Variants in CAMTA1 observed in about 807,000 individuals in gnomAD.
CAMTA1 encodes the protein calmodulin-binding transcription activator 1.
A neutral mutation model predicts 170.9 loss-of-function variants in CAMTA1; 27 were observed. That is an observed-to-expected ratio of 0.16 (90% CI 0.12 to 0.22). CAMTA1 has a LOEUF of 0.22. Among genes scored for constraint, CAMTA1 ranks in the 10% least tolerant of loss-of-function variants. The pLI, the probability that CAMTA1 is intolerant of heterozygous loss-of-function variation, is 1.00. For synonymous variants in CAMTA1, 833 were observed against 891.5 expected (o/e 0.93, Z 1.17); for missense variants, 1,619 against 2,217.2 (o/e 0.73, Z 5.42).
At position 7,748,695 on chromosome 1, in the gene CAMTA1, T is replaced by C. The variant is rs1306745805; in HGVS notation, c.4689+914T>C. On this transcript the variant is annotated intron_variant, in intron 19 of 22. Coordinates refer to ENST00000303635, the MANE Select transcript of CAMTA1 (RefSeq NM_015215.4). This position sits in a 1 kb window ranked among gnomAD's most constrained non-coding sequence, Gnocchi z 4.7. ...CTTTGGCCATTTTCCTTTCAGCTTCTTATCCATTTTAAAATGAAGAATTGT... is the reference window on the plus strand; with the variant it reads ...CTTTGGCCATTTTCCTTTCAGCTTCCTATCCATTTTAAAATGAAGAATTGT... Among the ~76,000 whole-genome samples, 3 of 152,228 alleles carry C rather than the reference T, an allele frequency of 2.0e-5. No homozygotes were observed. Among genetic ancestry groups the C allele is most frequent in the African/African-American group, 7.2e-5 (3 of 41,458 alleles).
At chr1:7,382,205 C>A (rs1472979589) in intron 5 of CAMTA1, among the ~76,000 whole-genome samples, 1 of 152,170 alleles carries the variant, frequency 6.6e-6, no homozygotes, top group Non-Finnish European at 1.5e-5. Context: ...TGTCCACATG[C>A]CCAGCTAAAT....
At position 7,505,583 on chromosome 1, in the gene CAMTA1, G is replaced by C. The variant is rs1433345027; in HGVS notation, c.510+37682G>C. Among the ~76,000 whole-genome samples the C allele has an allele frequency of 5.3e-5, 8 of 152,220 alleles. No homozygotes were observed. In the South Asian group the frequency reaches 8.3e-4, roughly 16 times the overall value. On this transcript the variant is annotated intron_variant, in intron 6 of 22. Coordinates refer to ENST00000303635, the MANE Select transcript of CAMTA1 (RefSeq NM_015215.4). ...CACCCACCCAGGGCTGCAGTTTCAG[G>C]GACCTGGCGGTGCCCCAGGGGCAGG...
chr1:7,096,751 A>G (rs1211211659), intron 4 of CAMTA1, among the ~76,000 whole-genome samples: 1 of 152,052 alleles, frequency 6.6e-6, no homozygotes, highest in African/African-American at 2.4e-5. Flanking sequence ...GAGTATTGAA[A>G]TATCTCCTAC....
chr1:7,119,319 A>G (rs76189463), intron 4 of CAMTA1, among the ~76,000 whole-genome samples: 1,615 of 152,264 alleles, frequency 0.011, 15 homozygotes, highest in Non-Finnish European at 0.016. Context: ...ACCAGTGCAG[A>G]GGGTGTTGGA....
intron 6 of CAMTA1, among the ~76,000 whole-genome samples, chr1:7,498,786 TA>T (rs2093893265): frequency 6.8e-6 from 1 of 148,014 alleles, no homozygotes; most frequent in African/African-American, 2.5e-5. Context: ...CATGTGTATG[TA>T]TGTGTGTGCA....
chr1:7,025,501 G>A (rs771458539), intron 3 of CAMTA1, among the ~76,000 whole-genome samples: 2 of 152,214 alleles, frequency 1.3e-5, no homozygotes, highest in Admixed American at 1.3e-4. Flanking sequence ...TTACTGGGGT[G>A]GGGGAGGTAG....
rs954604319 is a variant in CAMTA1 at position 7,415,315 on chromosome 1, G to T, written c.439-52515G>T. 1.2e-4 allele frequency among the ~76,000 whole-genome samples: 18 copies of T among 151,048 alleles called. No homozygotes were observed. In the East Asian group the frequency reaches 1.4e-3, roughly 11 times the overall value. Reference sequence around the variant, plus strand: ...CTGAGTTCAATTCCTGGGTATCCTTGTTAACTTTCTGTCTCGTTGATCTTT... The same window carrying T: ...CTGAGTTCAATTCCTGGGTATCCTTTTTAACTTTCTGTCTCGTTGATCTTT... On this transcript the variant is annotated intron_variant, in intron 5 of 22. Coordinates refer to ENST00000303635, the MANE Select transcript of CAMTA1 (RefSeq NM_015215.4).
At chr1:7,140,800 T>A (rs1288127955) in intron 4 of CAMTA1, among the ~76,000 whole-genome samples, 1 of 152,186 alleles carries the variant, frequency 6.6e-6, no homozygotes, top group Non-Finnish European at 1.5e-5. Context: ...TACCGGTATG[T>A]TAAACTTTAT....
chr1:7,520,675 G>C (rs1440150458), intron 6 of CAMTA1, among the ~76,000 whole-genome samples: 2 of 152,098 alleles, frequency 1.3e-5, no homozygotes, highest in Non-Finnish European at 2.9e-5. Context: ...GCAGAGTTGG[G>C]CGGTGGGGAA....
chr1:7,454,559 C>G (rs2092906381), intron 5 of CAMTA1, among the ~76,000 whole-genome samples: 1 of 152,172 alleles, frequency 6.6e-6, no homozygotes, highest in African/African-American at 2.4e-5. Flanking sequence ...GGCTTAGTGC[C>G]CAAACTTCCA....
intron 6 of CAMTA1, among the ~76,000 whole-genome samples, chr1:7,630,117 C>T (rs1441557284): frequency 6.6e-6 from 1 of 152,218 alleles, no homozygotes; most frequent in Non-Finnish European, 1.5e-5. Flanking sequence ...GGCCCCCACG[C>T]ATACGTGCTG....
In CAMTA1 at chr1:7,592,406, C is replaced by A. The variant is rs2095362206; in HGVS notation, c.511-47994C>A. Among the ~76,000 whole-genome samples the A allele has an allele frequency of 6.6e-6, 1 of 152,190 alleles. No individual in the cohort carries two copies. The highest frequency in any genetic ancestry group is 1.5e-5 in the Non-Finnish European group (1 of 68,040). On this transcript the variant is annotated intron_variant, in intron 6 of 22. Coordinates refer to ENST00000303635, the MANE Select transcript of CAMTA1 (RefSeq NM_015215.4). The surrounding 1 kb of genome is among the most constrained non-coding windows in gnomAD (Gnocchi z 4.6). The stretch of plus-strand genomic sequence containing the variant: ...CTGGGGGTCTGTTGGATCCTGGCAC[C>A]TTGCAGTAGTGTTGCCCGCTTCCTA...
chr1:7,556,386 T>C (rs1054296968), intron 6 of CAMTA1, among the ~76,000 whole-genome samples: 3 of 152,086 alleles, frequency 2.0e-5, no homozygotes, highest in Non-Finnish European at 4.4e-5. Context: ...GCCCCAGAGG[T>C]CAAAGCATCA....
chr1:7,110,160 A>G (rs1573131010), intron 4 of CAMTA1, among the ~76,000 whole-genome samples: 1 of 152,190 alleles, frequency 6.6e-6, no homozygotes, highest in Admixed American at 6.5e-5. Context: ...TCTGGATCCC[A>G]CCCATTCACT....
At chr1:6,888,646 A>G (rs911463013) in intron 3 of CAMTA1, among the ~76,000 whole-genome samples, 2 of 152,258 alleles carry the variant, frequency 1.3e-5, no homozygotes, top group Non-Finnish European at 2.9e-5. Flanking sequence ...GTAGGCATTA[A>G]CAAAGATATA....
At position 7,633,213 on chromosome 1, in the gene CAMTA1, C is replaced by T. The variant is rs1447440409; in HGVS notation, c.511-7187C>T. Among the ~76,000 whole-genome samples, 2 of 152,334 alleles carry T rather than the reference C, an allele frequency of 1.3e-5. No homozygotes were observed. The highest frequency in any genetic ancestry group is 1.9e-4 in the East Asian group (1 of 5,178). ...AAGGTTCTCAAAGAGATTGACTCTA[C>T]CTCAGGCTCCCGGGAGATGCCCTTC... On this transcript the variant is annotated intron_variant, in intron 6 of 22. Coordinates refer to ENST00000303635, the MANE Select transcript of CAMTA1 (RefSeq NM_015215.4). This position sits in a 1 kb window ranked among gnomAD's most constrained non-coding sequence, Gnocchi z 4.1.
At chr1:7,725,089 TTGAA>T (rs2096675160) in intron 11 of CAMTA1, among the ~76,000 whole-genome samples, 1 of 152,092 alleles carries the variant, frequency 6.6e-6, no homozygotes, top group Non-Finnish European at 1.5e-5. Context: ...AAGAGAAGCT[TTGAA>T]TGAATCAGGA....
chr1:7,257,082 C>A (rs61780030), intron 5 of CAMTA1, among the ~76,000 whole-genome samples: 3 of 137,388 alleles, frequency 2.2e-5, no homozygotes, highest in East Asian at 2.1e-4. Context: ...ATGGCGGGGG[C>A]GGGGGTTGGT....
intron 4 of CAMTA1, among the ~76,000 whole-genome samples, chr1:7,221,619 G>A (rs980153440): frequency 6.6e-6 from 1 of 152,116 alleles, no homozygotes; most frequent in East Asian, 1.9e-4. Flanking sequence ...GTGGAATGGG[G>A]TGGGGAACGC....
Sources: gnomAD v4.1 joint callset for allele counts (sites outside exome capture counted in the v4.1 genomes callset) on GRCh38, gnomAD v4.1.1 for gene constraint, Gnocchi (gnomAD v3.1) non-coding constraint, MANE v1.5 for transcripts, NCBI Gene and HGNC (gene_info 2026-07-23, HGNC 2026-07-21) for gene names.